Variants in RIF1 observed in about 807,000 individuals in gnomAD.
RIF1 encodes replication timing regulatory factor 1.
Under a neutral mutation model 247.1 loss-of-function variants are expected in RIF1, and 45 were observed. The ratio of observed to expected loss-of-function variants is 0.18; its 90% CI spans 0.14 to 0.23. The LOEUF (loss-of-function observed/expected upper bound fraction) is 0.23, where lower values mean the gene tolerates loss of function less well. Among genes scored for constraint, RIF1 ranks in the 10% least tolerant of loss-of-function variants. RIF1 has a pLI of 1.00. For missense variants in RIF1, 2,967 were observed against 2,862.5 expected, an observed-to-expected ratio of 1.04 and a Z score of -0.83; for synonymous variants, 1,087 against 978.8, an observed-to-expected ratio of 1.11 and a Z score of -2.06.
rs1421908789 is a variant in RIF1, at chr2:151,479,002, G to C, written c.*3931G>C. On this transcript the variant is annotated 3_prime_UTR_variant, in exon 36 of 36. Coordinates refer to ENST00000444746, the MANE Select transcript of RIF1 (RefSeq NM_018151.5). Reference sequence around the variant, plus strand: ...GAGTGAGGTTTTGATTTTTAACATAGTACTCTCAAACTTTGATGTGCATAT... The same window carrying C: ...GAGTGAGGTTTTGATTTTTAACATACTACTCTCAAACTTTGATGTGCATAT... The C allele has an allele frequency of 6.6e-6, 1 of 152,176 alleles. No individual in the cohort carries two copies. The highest frequency in any genetic ancestry group is 2.1e-4 in the South Asian group (1 of 4,834). 9.4% of individuals were successfully genotyped at this position (152,176 alleles called of 1,614,324 possible). A position where few individuals can be genotyped will look rare whatever the true frequency, so the allele number is the denominator to read the frequency against.
chr2:151,454,842 A>G, intron 21 of RIF1, 53 bp from the exon 22 acceptor site: 2 of 1,321,218 alleles, frequency 1.5e-6, no homozygotes, highest in Non-Finnish European at 2.1e-6. Flanking sequence ...GTGGACAGTG[A>G]CTCCTATTTT....
intron 9 of RIF1, chr2:151,490,394 C>G: frequency 6.3e-7 from 1 of 1,592,252 alleles, no homozygotes; most frequent in Non-Finnish European, 8.6e-7. Context: ...CAAAGACACC[C>G]CCGTCGCTGT....
chr2:151,411,124 T>A (rs1346500575), intron 2 of RIF1, 136 bp from the exon 3 acceptor site: 12 of 625,734 alleles, frequency 1.9e-5, no homozygotes, highest in Non-Finnish European at 3.4e-5. Flanking sequence ...TGTATACCCT[T>A]AAGGACCTTA....
the RIF1 span, chr2:151,519,889 T>TG: frequency 5.6e-4 from 356 of 639,572 alleles, 1 homozygote; most frequent in African/African-American, 5.4e-3. Context: ...ATATAATCTA[T>TG]TATCCAAACT....
intron 34 of RIF1, among the ~76,000 whole-genome samples, chr2:151,472,682 G>A (rs1300063684): frequency 1.3e-5 from 2 of 152,134 alleles, no homozygotes; most frequent in East Asian, 1.9e-4. Context: ...TTTACTGATT[G>A]TCATATGTTG....
chr2:151,530,744 A>G, the RIF1 span: 16 of 368,618 alleles, frequency 4.3e-5, no homozygotes, highest in African/African-American at 3.1e-4. Flanking sequence ...ATGGCTAGCC[A>G]TGGGAGTGAG....
chr2:151,526,139 A>T, the RIF1 span: 1 of 1,612,310 alleles, frequency 6.2e-7, no homozygotes, highest in Non-Finnish European at 8.5e-7. Context: ...AGCAGAACTC[A>T]TGGGCGGCTG....
chr2:151,471,034 T>C (rs772175485), intron 34 of RIF1, among the ~76,000 whole-genome samples: 1 of 152,060 alleles, frequency 6.6e-6, no homozygotes, highest in African/African-American at 2.4e-5. Flanking sequence ...TCTTTTTTTT[T>C]ATCACCCAGA....
At position 151,494,194 on chromosome 2, in the gene RIF1, C is replaced by T. The variant is rs1158236657; in HGVS notation, c.*416-1035C>T. On this transcript the variant is annotated intron_variant and NMD_transcript_variant, in intron 9 of 13. Transcript: ENST00000454583. ...TGTTTTCTTGATTGCGTTTGACTCT[C>T]TGCATCTCAGGAGTGACAGGGGTTG... The T allele has an allele frequency of 1.2e-6, 2 of 1,608,380 alleles. No homozygotes were observed. Among genetic ancestry groups the T allele is most frequent in the Admixed American group, 1.7e-5 (1 of 59,508 alleles).
downstream of RIF1, among the ~76,000 whole-genome samples, chr2:151,512,092 G>A (rs925974625): frequency 1.5e-4 from 22 of 145,876 alleles, no homozygotes; most frequent in African/African-American, 4.4e-4. Flanking sequence ...GTGCAGTGGC[G>A]TGATCTCGGC....
At position 151,456,583 on chromosome 2, in the gene RIF1, A is replaced by G; in HGVS notation, c.2615A>G (p.Asp872Gly). Residue 872 changes from aspartate (D) to glycine (G), a missense_variant, in exon 23 of 36, where the codon GAT (aspartate) becomes GGT (glycine). Asp to Gly is a moderately conservative substitution (Grantham distance 94, BLOSUM62 -1). Around this residue, in one of 7 missense-constraint regions of RIF1, gnomAD observed 2,028 missense variants for 1,825.6 expected, o/e 1.11. Transcript: ENST00000444746. ...LALFYENSKL[D>G]EVPKVYSCLN... ...TTCTATTTTATCCTTCCTAGGCTTG[A>G]TGAAGTTCCTAAAGTATATAGTTGT... 6.6e-7 allele frequency: 1 copy of G among 1,522,894 alleles called. No individual in the cohort carries two copies. Among genetic ancestry groups the G allele is most frequent in the Non-Finnish European group, 9.0e-7 (1 of 1,105,330 alleles). The allele number at this position is 1,522,894 out of a possible 1,614,324, so 94.3% of individuals were successfully genotyped here. A position where few individuals can be genotyped will look rare whatever the true frequency, so the allele number is the denominator to read the frequency against.
chr2:151,503,327 T>C (rs2066180579), intron 12 of RIF1: 1 of 1,531,542 alleles, frequency 6.5e-7, no homozygotes, highest in African/African-American at 1.4e-5. Context: ...AATAGTTTCT[T>C]ATATGATATA....
At chr2:151,410,667 G>C (rs989013984) in intron 2 of RIF1, 140 bp downstream of exon 2, 5 of 686,190 alleles carry the variant, frequency 7.3e-6, no homozygotes, top group African/African-American at 1.8e-5. Context: ...CGGACGCCTT[G>C]GGGGGCGGGG....
In RIF1 at chr2:151,503,329, T is replaced by C. The variant is rs2066191302; in HGVS notation, c.*861+144T>C. The stretch of plus-strand genomic sequence containing the variant: ...ATTTTTTATGGGAAATAGTTTCTTA[T>C]ATGATATATTTGTAAATACCGAGCT... On this transcript the variant is annotated intron_variant and NMD_transcript_variant, in intron 12 of 13. Transcript: ENST00000454583. The C allele has an allele frequency of 6.5e-7, 1 of 1,536,790 alleles. No individual in the cohort carries two copies. Among genetic ancestry groups the C allele is most frequent in the South Asian group, 1.1e-5 (1 of 88,110 alleles).
In RIF1 at chr2:151,478,590, AAG is replaced by A. The variant is rs2049042778; in HGVS notation, c.*3522_*3523del. 1 of 152,140 alleles carries A rather than the reference AAG, an allele frequency of 6.6e-6. No individual in the cohort carries two copies. The highest frequency in any genetic ancestry group is 6.6e-5 in the Admixed American group (1 of 15,264). 9.4% of individuals were successfully genotyped at this position (152,140 alleles called of 1,614,324 possible). ...ACAATTTAAACATCATAAAAATGTGAAGAGTAAGTGGTGAGGCAAGAAACAAA... is the reference window on the plus strand; with the variant it reads ...ACAATTTAAACATCATAAAAATGTGAAGTAAGTGGTGAGGCAAGAAACAAA... On this transcript the variant is annotated 3_prime_UTR_variant, in exon 36 of 36. Coordinates refer to ENST00000444746, the MANE Select transcript of RIF1 (RefSeq NM_018151.5).
rs368311161 is a variant in RIF1 at position 151,456,548 on chromosome 2, A to C, written c.2610-30A>C. On this transcript the variant is annotated intron_variant, in intron 22 of 35. Transcript: ENST00000444746. Reference sequence around the variant, plus strand: ...TAGTACAGTGTTAACTTGCAGAAATATAAATGGTATTCTATTTTATCCTTC... The same window carrying C: ...TAGTACAGTGTTAACTTGCAGAAATCTAAATGGTATTCTATTTTATCCTTC... 39 of 1,265,830 alleles carry C rather than the reference A, an allele frequency of 3.1e-5. No individual in the cohort carries two copies. In the African/African-American group the frequency reaches 5.4e-4, roughly 17 times the overall value. The allele number at this position is 1,265,830 out of a possible 1,614,324, so 78.4% of individuals were successfully genotyped here.
At chr2:151,497,622 G>T in intron 10 of RIF1, 1 of 1,567,166 alleles carries the variant, frequency 6.4e-7, no homozygotes, top group Middle Eastern at 1.7e-4. Flanking sequence ...TCTTGCCAAA[G>T]TACCGAGCTA....
At chr2:151,434,662 G>A (rs1351482797) in intron 10 of RIF1, among the ~76,000 whole-genome samples, 2 of 151,876 alleles carry the variant, frequency 1.3e-5, no homozygotes, top group African/African-American at 4.8e-5. Context: ...GGATGGTCTC[G>A]ATCTCCTGAC....
chr2:151,500,181 G>T (rs1418192953), intron 11 of RIF1, among the ~76,000 whole-genome samples: 1 of 152,078 alleles, frequency 6.6e-6, no homozygotes, highest in Admixed American at 6.6e-5. Context: ...GATTGTTAGT[G>T]AATAGTAATT....
Sources: gnomAD v4.1 joint callset for allele counts (sites outside exome capture counted in the v4.1 genomes callset) on GRCh38, gnomAD v4.1.1 for gene constraint, gnomAD v4.1.1 regional missense constraint, MANE v1.5 for transcripts, NCBI Gene and HGNC (gene_info 2026-07-23, HGNC 2026-07-21) for gene names.